KIF26A: variants seen among roughly 807,000 people sequenced by gnomAD.
KIF26A encodes kinesin-like protein KIF26A.
KIF26A carries 74 observed loss-of-function variants against 126.0 expected under a neutral mutation model. The observed-to-expected ratio is 0.59, with a 90% CI of 0.49 to 0.71. The LOEUF (loss-of-function observed/expected upper bound fraction) is 0.71, where lower values mean the gene tolerates loss of function less well. Ranked by LOEUF, KIF26A falls within the 30% of genes least tolerant of loss-of-function variation. The pLI, the probability that KIF26A is intolerant of heterozygous loss-of-function variation, is 0.00. For missense variants in KIF26A, 2,984 were observed against 2,763.3 expected (o/e 1.08, Z -1.79); for synonymous variants, 1,445 against 1,232.7 (o/e 1.17, Z -3.61).
intron 4 of KIF26A, 76 bp downstream of exon 4, chr14:104,158,018 G>A (rs1178928661): frequency 2.9e-6 from 4 of 1,371,966 alleles, no homozygotes; most frequent in Non-Finnish European, 3.9e-6. Context: ...GGGGACCTAT[G>A]GGCCGTTCTT....
Position 104,152,028 on chromosome 14 carries a change from C to T in KIF26A, c.302C>T (p.Ser101Phe). ...TGCTGTCCTCAGGATCCTTGCCTCT[C>T]TGCCCTGCTTCTCGACAAGCTACCA... ...PGTTLRDPCL[S>F]ALLLDKLPAP... The change falls in exon 3 of 15, where the codon TCT becomes TTT. Residue 101 changes from serine to phenylalanine, a missense_variant. Transcript: ENST00000423312. The surrounding 1 kb of genome is among the most constrained non-coding windows in gnomAD (Gnocchi z 5.9). 6.2e-7 allele frequency: 1 copy of T among 1,612,680 alleles called. No homozygotes were observed. Among genetic ancestry groups the T allele is most frequent in the South Asian group, 1.1e-5 (1 of 91,078 alleles).
rs757706475 is a variant in KIF26A, at chr14:104,171,836, C to T, written c.1227C>T (p.Ala409=). Residue 409 remains alanine (A), a synonymous_variant, in exon 6 of 15, where the codon GCC becomes GCT. Transcript: ENST00000423312. ...AGCAGGTGATCCTCTACGATCCCGCCGCCGGTCCCCCAGGCAGCGCAGGCC... is the reference window on the plus strand; with the variant it reads ...AGCAGGTGATCCTCTACGATCCCGCTGCCGGTCCCCCAGGCAGCGCAGGCC... The part of the protein sequence containing the change: ...RKKQVILYDP[A]AGPPGSAGPR... 1.1e-5 allele frequency: 17 copies of T among 1,556,772 alleles called. No individual in the cohort carries two copies. The highest frequency in any genetic ancestry group is 1.4e-5 in the Non-Finnish European group (16 of 1,151,358).
rs1282361348 is a variant in KIF26A at position 104,176,147 on chromosome 14, G to A, written c.3359G>A (p.Cys1120Tyr). 1 of 1,586,048 alleles carries A rather than the reference G, an allele frequency of 6.3e-7. No homozygotes were observed. ...ISSWLSEVSV[C>Y]TADSRDPTPQ... Reference sequence around the variant, plus strand: ...TCCTGGCTCAGCGAGGTCAGCGTCTGCACTGCCGACAGCCGTGACCCCACG... The same window carrying A: ...TCCTGGCTCAGCGAGGTCAGCGTCTACACTGCCGACAGCCGTGACCCCACG... The change falls in exon 12 of 15, where the codon TGC (cysteine) becomes TAC (tyrosine). Residue 1120 changes from cysteine to tyrosine, a missense_variant. Physicochemically the swap from Cys to Tyr is radical, Grantham distance 194. Transcript: ENST00000423312.
At chr14:104,174,331 GCCCCATCTCGGGGCCGT>G in intron 11 of KIF26A, 21 bp downstream of exon 11, 1 of 1,503,380 alleles carries the variant, frequency 6.7e-7, no homozygotes, top group South Asian at 1.3e-5. Flanking sequence ...CCTCCTGCCC[GCCCCATCTCGGGGCCGT>G]CTCGGCTCCT....
Position 104,152,093 on chromosome 14 carries a change from C to T in KIF26A, c.367C>T (p.Arg123Cys), listed in dbSNP as rs373916591. 1.7e-5 allele frequency: 27 copies of T among 1,612,520 alleles called. No homozygotes were observed. Among genetic ancestry groups the T allele is most frequent in the Middle Eastern group, 3.3e-4 (2 of 6,062 alleles). The change falls in exon 3 of 15, where the codon CGC (arginine) becomes TGC (cysteine). Residue 123 changes from arginine to cysteine, a missense_variant. Arg to Cys is a radical substitution (Grantham distance 180). Transcript: ENST00000423312. The surrounding 1 kb of genome is among the most constrained non-coding windows in gnomAD (Gnocchi z 5.9). Reference protein sequence around the residue: ...ALPACRPEAERRCDVCATHLQ... With the variant: ...ALPACRPEAECRCDVCATHLQ... ...GCCAGCCTGTCGCCCAGAGGCCGAG[C>T]GCCGCTGTGACGTCTGCGCCACACA...
At chr14:104,159,939 G>A (rs1188810871) in intron 4 of KIF26A, among the ~76,000 whole-genome samples, 3 of 152,128 alleles carry the variant, frequency 2.0e-5, no homozygotes, top group Non-Finnish European at 2.9e-5. Context: ...GAGTGGGGAC[G>A]AGTCCACCAG....
chr14:104,172,919 A>C, intron 7 of KIF26A, 58 bp from the exon 8 acceptor site: 3 of 1,493,882 alleles, frequency 2.0e-6, no homozygotes, highest in Non-Finnish European at 2.7e-6. Flanking sequence ...GGACGCCAGT[A>C]GCCATAAAGG....
chr14:104,177,367 C>A lies in KIF26A; in HGVS notation c.4579C>A (p.Pro1527Thr). ...TACGGCCTCTGTGACGGGCAGGAGC[C>A]CTGGCGGCCCTGTGGCCGGTCCCAG... ...LSTASVTGRS[P>T]GGPVAGPRAA... The change falls in exon 12 of 15, where the codon CCT (proline) becomes ACT (threonine). Residue 1527 changes from proline (P) to threonine (T), a missense_variant. Coordinates refer to ENST00000423312, the MANE Select transcript of KIF26A (RefSeq NM_015656.2). The A allele has an allele frequency of 6.7e-7, 1 of 1,484,526 alleles. No homozygotes were observed. The highest frequency in any genetic ancestry group is 8.9e-7 in the Non-Finnish European group (1 of 1,121,098). The allele number at this position is 1,484,526 out of a possible 1,614,324, so 92.0% of individuals were successfully genotyped here.
At chr14:104,179,170 A>AG in intron 13 of KIF26A, 66 bp from the exon 14 acceptor site, 1 of 1,399,560 alleles carries the variant, frequency 7.1e-7, no homozygotes, top group Non-Finnish European at 9.3e-7. Flanking sequence ...GGGCCACATC[A>AG]GGGCTGCTTG....
chr14:104,179,771 C>T lies in KIF26A; in HGVS notation c.5630C>T (p.Pro1877Leu), dbSNP rs766668361. The T allele has an allele frequency of 3.4e-5, 53 of 1,542,482 alleles. No individual in the cohort carries two copies. The Admixed American group carries it at 4.6e-4, about 13-fold the overall frequency. Reference protein sequence around the residue: ...SVAASAAIPGPQEVDV With the variant: ...SVAASAAIPGLQEVDV The stretch of plus-strand genomic sequence containing the variant: ...GCAGCCAGTGCTGCCATCCCGGGGC[C>T]GCAGGAGGTGGACGTCTGAGGCTGG... The change falls in exon 15 of 15, where the codon CCG becomes CTG. Residue 1877 changes from proline to leucine, a missense_variant. Coordinates refer to ENST00000423312, the MANE Select transcript of KIF26A (RefSeq NM_015656.2).
chr14:104,167,132 G>C, intron 5 of KIF26A, 84 bp downstream of exon 5: 1 of 1,331,652 alleles, frequency 7.5e-7, no homozygotes, highest in Non-Finnish European at 9.9e-7. Flanking sequence ...GGAGTGGAGG[G>C]GCTGCCACTT....
chr14:104,138,861 C>T, intron 1 of KIF26A, 97 bp downstream of exon 1: 12 of 1,259,782 alleles, frequency 9.5e-6, no homozygotes, highest in Non-Finnish European at 1.2e-5. Flanking sequence ...GGCCGGGCCT[C>T]CTGCTGAGGG....
chr14:104,176,226 C>T lies in KIF26A; in HGVS notation c.3438C>T (p.Pro1146=), dbSNP rs748816031. 14 of 1,601,530 alleles carry T rather than the reference C, an allele frequency of 8.7e-6. No individual in the cohort carries two copies. The Admixed American group carries it at 2.2e-4, about 25-fold the overall frequency. Reference sequence around the variant, plus strand: ...TGGCAGGGCTTGACCCTGGGGGCCCCCCTGCCCTGGATGGTTCCCTGGGGG... The same window carrying T: ...TGGCAGGGCTTGACCCTGGGGGCCCTCCTGCCCTGGATGGTTCCCTGGGGG... ...DSLAGLDPGG[P]PALDGSLGDG... Residue 1146 remains proline, a synonymous_variant, in exon 12 of 15, where the codon CCC becomes CCT. Coordinates refer to ENST00000423312, the MANE Select transcript of KIF26A (RefSeq NM_015656.2).
chr14:104,139,447 C>T (rs1256646109), intron 2 of KIF26A, among the ~76,000 whole-genome samples, 159 bp downstream of exon 2: 3 of 152,254 alleles, frequency 2.0e-5, no homozygotes, highest in Non-Finnish European at 4.4e-5. Flanking sequence ...CTCAGTTTCC[C>T]GGTCTGTAAC....
At chr14:104,164,104 T>C (rs1182012882) in intron 4 of KIF26A, among the ~76,000 whole-genome samples, 1 of 151,900 alleles carries the variant, frequency 6.6e-6, no homozygotes, top group Admixed American at 6.6e-5. Flanking sequence ...CAGCTCCTAT[T>C]CAAAATGAAA....
chr14:104,171,860 C>A lies in KIF26A; in HGVS notation c.1251C>A (p.Gly417=). 1 of 1,555,430 alleles carries A rather than the reference C, an allele frequency of 6.4e-7. No individual in the cohort carries two copies. The highest frequency in any genetic ancestry group is 8.7e-7 in the Non-Finnish European group (1 of 1,150,628). ...DPAAGPPGSA[G]PRRAATAAVP... is the part of the protein sequence containing the mutation. Reference sequence around the variant, plus strand: ...CCGCCGGTCCCCCAGGCAGCGCAGGCCCCCGGCGAGCCGCCACTGCTGCAG... The same window carrying A: ...CCGCCGGTCCCCCAGGCAGCGCAGGACCCCGGCGAGCCGCCACTGCTGCAG... Residue 417 remains glycine (G), a synonymous_variant, in exon 6 of 15, where the codon GGC becomes GGA. Transcript: ENST00000423312.
At position 104,175,808 on chromosome 14, in the gene KIF26A, G is replaced by A. The variant is rs1331533889; in HGVS notation, c.3020G>A (p.Arg1007His). Reference protein sequence around the residue: ...ATCPRLAAGSRCPERGLLTTT... With the variant: ...ATCPRLAAGSHCPERGLLTTT... ...TGCCCCCGCCTGGCTGCTGGCAGTC[G>A]CTGTCCGGAGCGGGGCCTGCTCACC... The change falls in exon 12 of 15, where the codon CGC (arginine) becomes CAC (histidine). Residue 1007 changes from arginine to histidine, a missense_variant. Physicochemically the swap from Arg to His is conservative, Grantham distance 29. Coordinates refer to ENST00000423312, the MANE Select transcript of KIF26A (RefSeq NM_015656.2). 2.6e-6 allele frequency: 4 copies of A among 1,538,640 alleles called. No homozygotes were observed. Among genetic ancestry groups the A allele is most frequent in the Admixed American group, 2.0e-5 (1 of 51,082 alleles).
intron 3 of KIF26A, among the ~76,000 whole-genome samples, chr14:104,157,115 A>G (rs1464329456): frequency 2.0e-5 from 3 of 152,118 alleles, no homozygotes; most frequent in African/African-American, 4.8e-5. Flanking sequence ...GTGTCTGGGA[A>G]TGGAACGTGC....
At position 104,152,199 on chromosome 14, in the gene KIF26A, G is replaced by A; in HGVS notation, c.473G>A (p.Gly158Asp). Residue 158 changes from glycine to aspartate, a missense_variant, in exon 3 of 15, where the codon GGC becomes GAC. Transcript: ENST00000423312. The surrounding 1 kb of genome is among the most constrained non-coding windows in gnomAD (Gnocchi z 5.9). ...GAGGACCTTGACGCCCCCCATGGAGGCCCCAGCCTCGCACCCCCCAGCACC... is the reference window on the plus strand; with the variant it reads ...GAGGACCTTGACGCCCCCCATGGAGACCCCAGCCTCGCACCCCCCAGCACC... ...SHEDLDAPHG[G>D]PSLAPPSTTT... 18 of 1,605,008 alleles carry A rather than the reference G, an allele frequency of 1.1e-5. No individual in the cohort carries two copies. The highest frequency in any genetic ancestry group is 1.5e-5 in the Non-Finnish European group (18 of 1,177,196).
Sources: gnomAD v4.1 joint callset for allele counts (sites outside exome capture counted in the v4.1 genomes callset) on GRCh38, gnomAD v4.1.1 for gene constraint, Gnocchi (gnomAD v3.1) non-coding constraint, MANE v1.5 for transcripts, NCBI Gene and HGNC (gene_info 2026-07-23, HGNC 2026-07-21) for gene names.